The following PARD3B variants were observed in gnomAD, a reference collection of about 807,000 sequenced individuals.
PARD3B encodes the protein par-3 family cell polarity regulator beta.
Under a neutral mutation model 130.2 loss-of-function variants are expected in PARD3B, and 103 were observed. The ratio of observed to expected loss-of-function variants is 0.79; its 90% confidence interval spans 0.67 to 0.93. The LOEUF is 0.93. Among genes scored for constraint, PARD3B ranks in the 40% least tolerant of loss-of-function variants. The pLI, the probability that PARD3B is intolerant of heterozygous loss-of-function variation, is 0.00. For missense variants in PARD3B, 1,609 were observed against 1,499.2 expected, an observed-to-expected ratio of 1.07 and a Z score of -1.21; for synonymous variants, 583 against 553.2, an observed-to-expected ratio of 1.05 and a Z score of -0.76.
rs546508263 is a variant in PARD3B at position 204,890,589 on chromosome 2, T to C, written c.223-74563T>C. On this transcript the variant is annotated intron_variant, in intron 2 of 22. Transcript: ENST00000406610. This position sits in a 1 kb window ranked among gnomAD's most constrained non-coding sequence, Gnocchi z 4.9. ...TCCACCTCCCCCCACCACATCCCCT[T>C]ATAGTCTTTGTCTGAGGATTTCACT... Among the ~76,000 whole-genome samples, 26 of 152,250 alleles carry C rather than the reference T, an allele frequency of 1.7e-4. No individual in the cohort carries two copies. The South Asian group carries it at 5.2e-3, about 30-fold the overall frequency.
At chr2:204,833,893 G>GTGTCCCA (rs2043928289) in intron 2 of PARD3B, among the ~76,000 whole-genome samples, 1 of 152,068 alleles carries the variant, frequency 6.6e-6, no homozygotes, top group South Asian at 2.1e-4. Context: ...CAAGCCCGGA[G>GTGTCCCA]TGTCCCAGCC....
intron 20 of PARD3B, among the ~76,000 whole-genome samples, chr2:205,468,634 A>T (rs1311740359): frequency 6.6e-6 from 1 of 152,102 alleles, no homozygotes; most frequent in Non-Finnish European, 1.5e-5. Flanking sequence ...CCTCTTTCTG[A>T]GGAAGAGGTA....
chr2:205,599,739 C>A (rs1228448515), intron 22 of PARD3B, among the ~76,000 whole-genome samples: 1 of 152,162 alleles, frequency 6.6e-6, no homozygotes, highest in Admixed American at 6.5e-5. Context: ...AGGTTCCAGT[C>A]ACGTATGAAT....
intron 21 of PARD3B, among the ~76,000 whole-genome samples, chr2:205,546,969 A>G (rs1006837807): frequency 3.3e-5 from 5 of 152,200 alleles, no homozygotes; most frequent in African/African-American, 1.2e-4. Flanking sequence ...AAATGTTAAC[A>G]GAGGTCATTT....
At chr2:204,590,231 T>A (rs769765750) in intron 1 of PARD3B, among the ~76,000 whole-genome samples, 3 of 152,070 alleles carry the variant, frequency 2.0e-5, no homozygotes, top group Non-Finnish European at 4.4e-5. Flanking sequence ...GGAAGGTAGC[T>A]CTCTCCTGTC....
intron 4 of PARD3B, 41 bp downstream of exon 4, chr2:205,047,731 G>C (rs1462756575): frequency 1.4e-5 from 20 of 1,410,412 alleles, no homozygotes; most frequent in Admixed American, 2.0e-5. Context: ...AAAGATCAAA[G>C]TGCTGTACCC....
At chr2:205,179,207 G>A (rs1015345335) in intron 13 of PARD3B, among the ~76,000 whole-genome samples, 1 of 151,364 alleles carries the variant, frequency 6.6e-6, no homozygotes, top group Non-Finnish European at 1.5e-5. Flanking sequence ...TTCTACAGCT[G>A]TACAATGTGT....
intron 2 of PARD3B, among the ~76,000 whole-genome samples, chr2:204,692,183 T>C (rs2037386642): frequency 6.6e-6 from 1 of 152,116 alleles, no homozygotes; most frequent in Non-Finnish European, 1.5e-5. Flanking sequence ...TGTTCTACTT[T>C]ATTTGAAAAT....
chr2:205,231,061 C>A (rs1176076797), intron 15 of PARD3B, among the ~76,000 whole-genome samples: 2 of 152,002 alleles, frequency 1.3e-5, no homozygotes, highest in African/African-American at 4.8e-5. Flanking sequence ...CTTTCCTATC[C>A]CCTTCAGTGC....
At chr2:204,548,127 A>G (rs2030145738) in intron 1 of PARD3B, among the ~76,000 whole-genome samples, 1 of 152,210 alleles carries the variant, frequency 6.6e-6, no homozygotes, top group African/African-American at 2.4e-5. Context: ...TTGTAATCAT[A>G]ACAAGATTTA....
intron 10 of PARD3B, among the ~76,000 whole-genome samples, chr2:205,131,616 T>C (rs1312637708): frequency 6.6e-6 from 1 of 152,146 alleles, no homozygotes; most frequent in East Asian, 1.9e-4. Flanking sequence ...TCAAAGTATG[T>C]CAGGAACCAA....
At chr2:205,267,207 C>A (rs910879952) in intron 16 of PARD3B, among the ~76,000 whole-genome samples, 5 of 152,176 alleles carry the variant, frequency 3.3e-5, no homozygotes, top group Non-Finnish European at 7.4e-5. Context: ...TTTCAGCCAA[C>A]ACTGTTAACA....
intron 4 of PARD3B, among the ~76,000 whole-genome samples, chr2:205,092,820 G>C (rs1172068879): frequency 1.3e-5 from 2 of 152,092 alleles, no homozygotes; most frequent in Admixed American, 1.3e-4. Flanking sequence ...GTGAGAATGT[G>C]ATTAACTCAA....
At chr2:205,318,603 G>C (rs1202367162) in intron 18 of PARD3B, among the ~76,000 whole-genome samples, 1 of 152,076 alleles carries the variant, frequency 6.6e-6, no homozygotes, top group African/African-American at 2.4e-5. Flanking sequence ...GGGAGAGGGA[G>C]AAACTCACAG....
At chr2:205,437,992 C>T (rs975605929) in intron 19 of PARD3B, among the ~76,000 whole-genome samples, 7 of 151,988 alleles carry the variant, frequency 4.6e-5, no homozygotes, top group African/African-American at 1.7e-4. Context: ...TTGACACTTC[C>T]GTCTTGGTCT....
At chr2:204,643,525 T>C (rs2035165580) in intron 1 of PARD3B, among the ~76,000 whole-genome samples, 2 of 152,224 alleles carry the variant, frequency 1.3e-5, no homozygotes, top group African/African-American at 4.8e-5. Flanking sequence ...CTGTGACTCA[T>C]GGGGCCACAT....
chr2:204,990,773 A>T (rs902160561), intron 3 of PARD3B, among the ~76,000 whole-genome samples: 3 of 152,158 alleles, frequency 2.0e-5, no homozygotes, highest in Non-Finnish European at 2.9e-5. Context: ...TTTGTATCTT[A>T]TTTAAGAAAT....
intron 2 of PARD3B, among the ~76,000 whole-genome samples, chr2:204,902,146 T>C (rs1202879505): frequency 6.6e-6 from 1 of 152,188 alleles, no homozygotes; most frequent in African/African-American, 2.4e-5. Flanking sequence ...GTATTTTAGA[T>C]AATAACTTTT....
intron 2 of PARD3B, among the ~76,000 whole-genome samples, chr2:204,806,337 A>G (rs2042768191): frequency 6.6e-6 from 1 of 152,206 alleles, no homozygotes; most frequent in Non-Finnish European, 1.5e-5. Context: ...AGAAATCCAC[A>G]AATCTACAGT....
Sources: allele counts gnomAD v4.1 joint callset (sites outside exome capture counted in the v4.1 genomes callset), GRCh38; gene constraint gnomAD v4.1.1; non-coding constraint Gnocchi (gnomAD v3.1); transcripts MANE v1.5; gene names NCBI Gene and HGNC (gene_info 2026-07-23, HGNC 2026-07-21).